The following ZFHX3 variants were observed in gnomAD, a reference collection of about 807,000 sequenced individuals.
ZFHX3 encodes the protein zinc finger homeobox 3.
A neutral mutation model predicts 279.1 loss-of-function variants in ZFHX3; 42 were observed. The ratio of observed to expected loss-of-function variants is 0.15; its 90% CI spans 0.12 to 0.19. The LOEUF (loss-of-function observed/expected upper bound fraction) is 0.19, where lower values mean the gene tolerates loss of function less well. Ranked by LOEUF, ZFHX3 falls within the 10% of genes least tolerant of loss-of-function variation. ZFHX3 has a pLI of 1.00. For synonymous variants in ZFHX3, 2,293 were observed against 1,957.8 expected (o/e 1.17, Z -4.52); for missense variants, 4,981 against 4,754.0 (o/e 1.05, Z -1.40).
At chr16:73,463,872 C>T (rs2018515252) in intron 2 of ZFHX3, among the ~76,000 whole-genome samples, 1 of 152,366 alleles carries the variant, frequency 6.6e-6, no homozygotes, top group East Asian at 1.9e-4. Context: ...AAATGGTCCG[C>T]AGTGACTCTG....
chr16:73,430,851 G>T (rs1250200222), intron 3 of ZFHX3, among the ~76,000 whole-genome samples: 1 of 152,204 alleles, frequency 6.6e-6, no homozygotes, highest in Non-Finnish European at 1.5e-5. Flanking sequence ...AGCCCAAAAA[G>T]TCCCTCAAAG....
chr16:73,862,498 G>A (rs1328515733), intron 1 of ZFHX3, among the ~76,000 whole-genome samples: 1 of 152,182 alleles, frequency 6.6e-6, no homozygotes, highest in African/African-American at 2.4e-5. Flanking sequence ...GACGAGGACG[G>A]TTGCTGTGAC....
At position 72,795,404 on chromosome 16, in the gene ZFHX3, G is replaced by T. The variant is rs62639995; in HGVS notation, c.7278C>A (p.Gly2426=). The change falls in exon 9 of 10, where the codon GGC becomes GGA. Residue 2426 remains glycine, a synonymous_variant. Coordinates refer to ENST00000268489, the MANE Select transcript of ZFHX3 (RefSeq NM_006885.4). Reference sequence around the variant, plus strand: ...CTTCCGCCAGCTTTGGTTTCTCATCGCCTGCCTCTGTTTTTGAATTGAAGG... The same window carrying T: ...CTTCCGCCAGCTTTGGTTTCTCATCTCCTGCCTCTGTTTTTGAATTGAAGG... The part of the protein sequence containing the change: ...LATFNSKTEA[G]DEKPKLAEAP... The T allele has an allele frequency of 1.2e-6, 2 of 1,613,950 alleles. No individual in the cohort carries two copies. The highest frequency in any genetic ancestry group is 2.7e-5 in the African/African-American group (2 of 74,848).
intron 1 of ZFHX3, among the ~76,000 whole-genome samples, chr16:73,749,946 A>G (rs2053745897): frequency 6.6e-6 from 1 of 152,214 alleles, no homozygotes; most frequent in Non-Finnish European, 1.5e-5. Flanking sequence ...CTCCCAAACC[A>G]TACTTACTAG....
At chr16:73,428,958 T>C (rs1434261384) in intron 3 of ZFHX3, among the ~76,000 whole-genome samples, 1 of 152,152 alleles carries the variant, frequency 6.6e-6, no homozygotes, top group African/African-American at 2.4e-5. Flanking sequence ...GCTCCCATTC[T>C]TCCTTCACGA....
intron 5 of ZFHX3, among the ~76,000 whole-genome samples, chr16:72,822,410 C>T (rs2036817248): frequency 1.3e-5 from 2 of 152,210 alleles, no homozygotes; most frequent in Admixed American, 1.3e-4. Context: ...AACTCTGACA[C>T]CCGAGTTCCC....
chr16:73,870,745 C>T (rs545575753), intron 1 of ZFHX3, among the ~76,000 whole-genome samples: 79 of 152,204 alleles, frequency 5.2e-4, no homozygotes, highest in African/African-American at 1.9e-3. Context: ...TTGTGGGGCC[C>T]GGCGGGCAGC....
At chr16:73,450,484 A>G (rs969767360) in intron 3 of ZFHX3, among the ~76,000 whole-genome samples, 7 of 152,210 alleles carry the variant, frequency 4.6e-5, no homozygotes, top group Non-Finnish European at 1.0e-4. Context: ...TCCATAAAAG[A>G]AAAAATATAG....
intron 7 of ZFHX3, among the ~76,000 whole-genome samples, chr16:72,804,317 G>A (rs2036198994): frequency 6.6e-6 from 1 of 152,140 alleles, no homozygotes; most frequent in African/African-American, 2.4e-5. Context: ...GAGATGCAGA[G>A]AGCCAGACAA....
intron 3 of ZFHX3, among the ~76,000 whole-genome samples, chr16:73,349,600 CTCTCCCTTACTT>C: frequency 6.8e-6 from 1 of 147,216 alleles, no homozygotes; most frequent in South Asian, 2.1e-4. Context: ...TTACCTCTCT[CTCTCCCTTACTT>C]CCTCCCTCCC....
intron 3 of ZFHX3, among the ~76,000 whole-genome samples, chr16:73,409,678 C>A (rs915119431): frequency 6.6e-6 from 1 of 152,284 alleles, no homozygotes. Context: ...ATGTTTATTG[C>A]AGCACTGTTC....
Position 73,260,753 on chromosome 16 carries a change from G to C in ZFHX3, c.-1193-3617C>G, listed in dbSNP as rs141638325. 1.8e-3 allele frequency among the ~76,000 whole-genome samples: 253 copies of C among 137,434 alleles called. 2 individuals carry two copies. The highest frequency in any genetic ancestry group is 6.6e-3 in the African/African-American group (244 of 37,178). 90.2% of individuals were successfully genotyped at this position (137,434 alleles called of 152,430 possible). On this transcript the variant is annotated intron_variant, in intron 4 of 17. Transcript: ENST00000641206. ...CCGCCCAGGCTGGAGTGCAGTCTTGGCTCACTGCAACCTCCGCCTCCCGGG... is the reference window on the plus strand; with the variant it reads ...CCGCCCAGGCTGGAGTGCAGTCTTGCCTCACTGCAACCTCCGCCTCCCGGG...
At chr16:73,310,199 A>T (rs1039938627) in intron 4 of ZFHX3, among the ~76,000 whole-genome samples, 3 of 151,764 alleles carry the variant, frequency 2.0e-5, no homozygotes, top group Admixed American at 6.6e-5. Context: ...GAGCCACTGC[A>T]CCCGGTCTGC....
At chr16:73,153,027 G>C (rs1966985326) in intron 5 of ZFHX3, among the ~76,000 whole-genome samples, 1 of 152,134 alleles carries the variant, frequency 6.6e-6, no homozygotes, top group Admixed American at 6.6e-5. Context: ...GGCTTTGTTA[G>C]GAGGAGGTCA....
At chr16:73,345,064 A>G (rs1456310496) in intron 3 of ZFHX3, among the ~76,000 whole-genome samples, 2 of 152,138 alleles carry the variant, frequency 1.3e-5, no homozygotes, top group African/African-American at 4.8e-5. Flanking sequence ...CTCAGCTTAA[A>G]GGGGTTGAAT....
At chr16:73,695,128 G>C (rs998192853) in intron 1 of ZFHX3, among the ~76,000 whole-genome samples, 16 of 152,170 alleles carry the variant, frequency 1.1e-4, no homozygotes, top group Admixed American at 1.0e-3. Context: ...ACCCCGATGG[G>C]GTGGTGCCAG....
At chr16:73,762,865 T>A (rs1353770070) in intron 1 of ZFHX3, among the ~76,000 whole-genome samples, 1 of 152,124 alleles carries the variant, frequency 6.6e-6, no homozygotes, top group African/African-American at 2.4e-5. Flanking sequence ...GAAAAATAGC[T>A]AATACATGCT....
chr16:73,583,859 C>G (rs2051887856), intron 2 of ZFHX3, among the ~76,000 whole-genome samples: 1 of 152,028 alleles, frequency 6.6e-6, no homozygotes, highest in Non-Finnish European at 1.5e-5. Flanking sequence ...TGATCAGATT[C>G]TGATAGAGAC....
At chr16:73,454,899 A>C (rs996997560) in intron 3 of ZFHX3, among the ~76,000 whole-genome samples, 1 of 150,160 alleles carries the variant, frequency 6.7e-6, no homozygotes, top group African/African-American at 2.5e-5. Context: ...CAAGTATAAG[A>C]CAGTTAAAAA....
Sources: gnomAD v4.1 joint callset for allele counts (sites outside exome capture counted in the v4.1 genomes callset) on GRCh38, gnomAD v4.1.1 for gene constraint, MANE v1.5 for transcripts, NCBI Gene and HGNC (gene_info 2026-07-23, HGNC 2026-07-21) for gene names.